The following KCTD9 variants were observed in gnomAD, a reference collection of about 807,000 sequenced individuals.
KCTD9 encodes potassium channel tetramerization domain containing 9, also known as BTB/POZ domain-containing protein KCTD9.
In KCTD9, 17 loss-of-function variants were observed where a neutral mutation model predicts 53.3. The observed-to-expected ratio is 0.32, with a 90% CI of 0.22 to 0.48. The LOEUF (loss-of-function observed/expected upper bound fraction) is 0.48. Among genes scored for constraint, KCTD9 ranks in the 20% least tolerant of loss-of-function variants. The pLI is 0.99. For synonymous variants in KCTD9, 128 were observed against 162.7 expected (o/e 0.79, Z 1.62); for missense variants, 179 against 465.5 (o/e 0.38, Z 5.66).
In KCTD9 at chr8:25,429,725, TA is replaced by T; in HGVS notation, c.*131del. On this transcript the variant is annotated 3_prime_UTR_variant, in exon 12 of 12. Transcript: ENST00000221200. The stretch of plus-strand genomic sequence containing the variant: ...CCTTATGCACCACTCAAAACAAGCA[TA>T]ATCCTCTAAATGTTTTTTTTTTAAA... The T allele has an allele frequency of 1.5e-6, 1 of 656,434 alleles. No homozygotes were observed. Among genetic ancestry groups the T allele is most frequent in the Non-Finnish European group, 2.8e-6 (1 of 360,304 alleles). 40.7% of individuals were successfully genotyped at this position (656,434 alleles called of 1,614,324 possible). A position where few individuals can be genotyped will look rare whatever the true frequency, so the allele number is the denominator to read the frequency against.
chr8:25,448,425 G>C (rs1450350645), intron 1 of KCTD9, among the ~76,000 whole-genome samples: 1 of 152,162 alleles, frequency 6.6e-6, no homozygotes, highest in East Asian at 1.9e-4. Context: ...ATTTCTGTTT[G>C]GGATGATGAC....
At chr8:25,454,727 A>T (rs1221787453) in intron 1 of KCTD9, among the ~76,000 whole-genome samples, 1 of 152,268 alleles carries the variant, frequency 6.6e-6, no homozygotes, top group East Asian at 1.9e-4. Flanking sequence ...CTGACCACAC[A>T]CCCCATTGGT....
At chr8:25,443,749 T>TAAATA (rs1163359902) in intron 3 of KCTD9, among the ~76,000 whole-genome samples, 2 of 152,230 alleles carry the variant, frequency 1.3e-5, no homozygotes, top group African/African-American at 2.4e-5. Context: ...TGTATGGATC[T>TAAATA]AAATAAATCA....
At chr8:25,433,477 T>C (rs1166201626) in intron 9 of KCTD9, 42 bp from the exon 10 acceptor site, 11 of 1,246,898 alleles carry the variant, frequency 8.8e-6, no homozygotes, top group Non-Finnish European at 1.2e-5. Context: ...AGGTTCATAA[T>C]TTTGTTCAAA....
At chr8:25,451,551 T>C (rs986553418) in intron 1 of KCTD9, 3 of 152,192 alleles carry the variant, frequency 2.0e-5, no homozygotes, top group African/African-American at 7.2e-5. Context: ...GCCCTAAGAA[T>C]AGAAGCATTT....
chr8:25,444,943 G>C (rs76483978), intron 2 of KCTD9, among the ~76,000 whole-genome samples: 51 of 152,158 alleles, frequency 3.4e-4, no homozygotes, highest in Non-Finnish European at 6.0e-4. Context: ...AGCTCAGAAG[G>C]CTTCAATTAT....
intron 3 of KCTD9, among the ~76,000 whole-genome samples, 164 bp from the exon 4 acceptor site, chr8:25,440,837 G>A (rs1802108055): frequency 6.6e-6 from 1 of 152,300 alleles, no homozygotes; most frequent in East Asian, 1.9e-4. Flanking sequence ...ACAACACTAG[G>A]TGATAAGGTA....
chr8:25,435,273 G>T, intron 9 of KCTD9, 90 bp downstream of exon 9: 2 of 787,236 alleles, frequency 2.5e-6, no homozygotes, highest in African/African-American at 1.8e-5. Flanking sequence ...TCCAGTAAAA[G>T]ATAGTTATAA....
Position 25,429,479 on chromosome 8 carries a change from T to G in KCTD9, c.*378A>C, listed in dbSNP as rs1300761639. ...TCAATAAATATAATTGCATATGTTG[T>G]GCTTTCCATAAATTAAAATCCTCAA... On this transcript the variant is annotated 3_prime_UTR_variant, in exon 12 of 12. Coordinates refer to ENST00000221200, the MANE Select transcript of KCTD9 (RefSeq NM_017634.4). 1 of 159,814 alleles carries G rather than the reference T, an allele frequency of 6.3e-6. No individual in the cohort carries two copies. The highest frequency in any genetic ancestry group is 1.4e-5 in the Non-Finnish European group (1 of 72,662). 9.9% of individuals were successfully genotyped at this position (159,814 alleles called of 1,614,324 possible).
Position 25,428,914 on chromosome 8 carries a change from C to T in KCTD9, c.*943G>A, listed in dbSNP as rs1801882679. The T allele has an allele frequency of 6.6e-6, 1 of 152,198 alleles. No homozygotes were observed. 9.4% of individuals were successfully genotyped at this position (152,198 alleles called of 1,614,324 possible). ...GTAGCTCTGGATTTAGTATCTATTT[C>T]TAAGCTGGCCCTATGTAAACTATTT... On this transcript the variant is annotated 3_prime_UTR_variant, in exon 12 of 12. Coordinates refer to ENST00000221200, the MANE Select transcript of KCTD9 (RefSeq NM_017634.4).
intron 3 of KCTD9, among the ~76,000 whole-genome samples, chr8:25,443,204 C>G (rs892772998): frequency 2.6e-5 from 4 of 151,828 alleles, no homozygotes; most frequent in Non-Finnish European, 4.4e-5. Flanking sequence ...AAGAGCCTCC[C>G]TAGCACCCAG....
intron 4 of KCTD9, among the ~76,000 whole-genome samples, chr8:25,440,311 G>T (rs1208389012): frequency 6.6e-6 from 1 of 151,984 alleles, no homozygotes; most frequent in African/African-American, 2.4e-5. Context: ...GCCCGCCTCG[G>T]CCTCCCAAAG....
intron 2 of KCTD9, among the ~76,000 whole-genome samples, chr8:25,445,157 G>A (rs1802193136): frequency 6.6e-6 from 1 of 152,088 alleles, no homozygotes; most frequent in African/African-American, 2.4e-5. Context: ...TAATTTATTT[G>A]GATTTAAAAT....
chr8:25,439,792 G>T (rs913822662), intron 4 of KCTD9, 128 bp from the exon 5 acceptor site: 5 of 1,504,606 alleles, frequency 3.3e-6, no homozygotes, highest in Middle Eastern at 2.5e-4. Context: ...TAGGAGTAAC[G>T]CTGGGAAACA....
At position 25,437,070 on chromosome 8, in the gene KCTD9, A is replaced by G. The variant is rs537430987; in HGVS notation, c.500-585T>C. Among the ~76,000 whole-genome samples the G allele has an allele frequency of 1.0e-3, 152 of 152,340 alleles. 2 individuals are homozygous for G. The South Asian group carries it at 0.031, about 31-fold the overall frequency. On this transcript the variant is annotated intron_variant, in intron 6 of 11. Coordinates refer to ENST00000221200, the MANE Select transcript of KCTD9 (RefSeq NM_017634.4). ...AGCAGTTATTTGGGAAGAATAATAC[A>G]ATCTTTTCTGTGAAGACCAAACTCT...
chr8:25,450,254 AGTT>A (rs1802294025), intron 1 of KCTD9: 9 of 897,096 alleles, frequency 1.0e-5, no homozygotes, highest in Non-Finnish European at 9.3e-6. Flanking sequence ...ATTTGCAAAA[AGTT>A]GTTATGAATT....
intron 1 of KCTD9, among the ~76,000 whole-genome samples, chr8:25,456,463 G>A (rs925569343): frequency 6.6e-6 from 1 of 152,082 alleles, no homozygotes; most frequent in African/African-American, 2.4e-5. Context: ...TGAAGGGAGA[G>A]AAAACACTGC....
rs1156362476 is a variant in KCTD9, at chr8:25,428,044, CATTT to C, written c.*1809_*1812del. 6.6e-6 allele frequency: 1 copy of C among 152,518 alleles called. No homozygotes were observed. The highest frequency in any genetic ancestry group is 2.4e-5 in the African/African-American group (1 of 41,440). 9.4% of individuals were successfully genotyped at this position (152,518 alleles called of 1,614,324 possible). ...CTCCTTTTCAACAAACACTTTATATCATTTATTAATGCAGTATACATTAGATCTA... is the reference window on the plus strand; with the variant it reads ...CTCCTTTTCAACAAACACTTTATATCATTAATGCAGTATACATTAGATCTA... On this transcript the variant is annotated 3_prime_UTR_variant, in exon 12 of 12. Transcript: ENST00000221200.
At chr8:25,451,381 G>A (rs1802316679) in intron 1 of KCTD9, 1 of 152,106 alleles carries the variant, frequency 6.6e-6, no homozygotes, top group Non-Finnish European at 1.5e-5. Flanking sequence ...ATGGACATAA[G>A]CTCCAGTTAG....
Sources: allele counts gnomAD v4.1 joint callset (sites outside exome capture counted in the v4.1 genomes callset), GRCh38; gene constraint gnomAD v4.1.1; transcripts MANE v1.5; gene names NCBI Gene and HGNC (gene_info 2026-07-23, HGNC 2026-07-21).